Variants in STON2 observed in about 807,000 individuals in gnomAD.
STON2 encodes stonin 2, also known as stonin-2.
In STON2, 29 loss-of-function variants were observed where a neutral mutation model predicts 65.7. That is an observed-to-expected ratio of 0.44 (90% CI 0.33 to 0.60). The LOEUF is 0.60. STON2 is among the 20% of genes least tolerant of loss of function. The pLI, the probability that STON2 is intolerant of heterozygous loss-of-function variation, is 0.03. For synonymous variants in STON2, 404 were observed against 414.2 expected (o/e 0.98, Z 0.30); for missense variants, 1,054 against 1,118.1 (o/e 0.94, Z 0.82).
chr14:81,315,575 G>A (rs1273629185), intron 5 of STON2, among the ~76,000 whole-genome samples: 2 of 152,254 alleles, frequency 1.3e-5, no homozygotes, highest in East Asian at 3.8e-4. Flanking sequence ...TGTGATTCCA[G>A]CAGCTCTGCT....
At chr14:81,289,830 G>A (rs541641063) in intron 5 of STON2, among the ~76,000 whole-genome samples, 11 of 152,278 alleles carry the variant, frequency 7.2e-5, no homozygotes, top group African/African-American at 9.6e-5. Flanking sequence ...CCATCCGTCC[G>A]TTGGCCAGGG....
Position 81,267,310 on chromosome 14 carries a change from T to C in STON2, c.*1104A>G. On this transcript the variant is annotated 3_prime_UTR_variant, in exon 8 of 8. Coordinates refer to ENST00000614646, the MANE Select transcript of STON2 (RefSeq NM_001394390.1). Reference sequence around the variant, plus strand: ...GAAAAATATGGCTTTTCCACGTCTCTACCCTAGAGATGCCTTTTCAATCCA... The same window carrying C: ...GAAAAATATGGCTTTTCCACGTCTCCACCCTAGAGATGCCTTTTCAATCCA... 1.0e-6 allele frequency: 1 copy of C among 985,392 alleles called. No homozygotes were observed. Among genetic ancestry groups the C allele is most frequent in the Non-Finnish European group, 1.2e-6 (1 of 829,898 alleles). 61.0% of individuals were successfully genotyped at this position (985,392 alleles called of 1,614,324 possible).
chr14:81,401,996 T>C (rs909376723), upstream of STON2, among the ~76,000 whole-genome samples: 1 of 152,068 alleles, frequency 6.6e-6, no homozygotes, highest in Admixed American at 6.5e-5. Context: ...CAAGTGACAG[T>C]AAAAATCAGA....
At chr14:81,387,615 G>A (rs1049332987) in intron 3 of STON2, among the ~76,000 whole-genome samples, 4 of 151,860 alleles carry the variant, frequency 2.6e-5, no homozygotes, top group South Asian at 2.1e-4. Context: ...CAGGCCAGGC[G>A]TGGTGGCTCA....
rs767207594 is a variant in STON2, at chr14:81,278,665, T to C, written c.817A>G (p.Met273Val). 1.9e-6 allele frequency: 3 copies of C among 1,539,232 alleles called. No homozygotes were observed. The highest frequency in any genetic ancestry group is 2.6e-6 in the Non-Finnish European group (3 of 1,144,578). Residue 273 changes from methionine (M) to valine (V), a missense_variant, in exon 6 of 8, where the codon ATG becomes GTG. Transcript: ENST00000614646. ...ACTGGAGGGGCAGGGTGCCCATTCA[T>C]GGCTGGACTGCTGGCCTGCCAGCTG... Reference protein sequence around the residue: ...AISWQASSPAMNGHPAPPVTS... With the variant: ...AISWQASSPAVNGHPAPPVTS...
At chr14:81,353,808 C>G (rs1898115818) in intron 4 of STON2, among the ~76,000 whole-genome samples, 1 of 152,024 alleles carries the variant, frequency 6.6e-6, no homozygotes, top group Non-Finnish European at 1.5e-5. Flanking sequence ...AAGGCAGAGC[C>G]CACAGCAAAC....
Position 81,332,165 on chromosome 14 carries a change from T to C in STON2, c.572-7978A>G, listed in dbSNP as rs570605633. ...GGTCTGCAGAGGCTGTGGGCCTCCC[T>C]GAGCCGCTGCCACAGATGGGCACTT... On this transcript the variant is annotated intron_variant, in intron 4 of 7. Coordinates refer to ENST00000614646, the MANE Select transcript of STON2 (RefSeq NM_001394390.1). Among the ~76,000 whole-genome samples the C allele has an allele frequency of 1.5e-3, 228 of 152,324 alleles. 1 individual carries two copies. Among genetic ancestry groups the C allele is most frequent in the Non-Finnish European group, 2.4e-3 (160 of 68,028 alleles).
chr14:81,307,297 GTT>G (rs1282472215), intron 5 of STON2, among the ~76,000 whole-genome samples: 3 of 152,230 alleles, frequency 2.0e-5, no homozygotes, highest in Non-Finnish European at 4.4e-5. Flanking sequence ...AACGGTCAGT[GTT>G]GTCTTCAGCA....
At chr14:81,433,764 G>C in intron 1 of STON2, among the ~76,000 whole-genome samples, 2 of 152,306 alleles carry the variant, frequency 1.3e-5, no homozygotes, top group Middle Eastern at 6.8e-3. Flanking sequence ...GTGGGTCCCA[G>C]AATGATGACA....
intron 5 of STON2, among the ~76,000 whole-genome samples, chr14:81,322,687 G>A (rs1399078294): frequency 1.3e-5 from 2 of 152,194 alleles, no homozygotes; most frequent in Non-Finnish European, 2.9e-5. Flanking sequence ...CACCCTAAGA[G>A]AGAAATTTTC....
At chr14:81,318,668 T>C (rs1896712586) in intron 5 of STON2, among the ~76,000 whole-genome samples, 2 of 152,150 alleles carry the variant, frequency 1.3e-5, no homozygotes, top group Admixed American at 1.3e-4. Flanking sequence ...CTGGTCAACA[T>C]GGTAAAACCC....
intron 1 of STON2, chr14:81,436,283 C>G (rs1203934873): frequency 1.3e-5 from 2 of 151,548 alleles, no homozygotes; most frequent in African/African-American, 4.8e-5. Context: ...TCTTGGGGGG[C>G]GCGCTCGCCT....
In STON2 at chr14:81,261,125, C is replaced by G. The variant is rs1441105031; in HGVS notation, c.*7289G>C. ...AGGTCAGAGGAGTTCATATCCTTCTCTTCCCTCACCCCTATACTTTAGAAC... is the reference window on the plus strand; with the variant it reads ...AGGTCAGAGGAGTTCATATCCTTCTGTTCCCTCACCCCTATACTTTAGAAC... On this transcript the variant is annotated 3_prime_UTR_variant, in exon 8 of 8. Coordinates refer to ENST00000614646, the MANE Select transcript of STON2 (RefSeq NM_001394390.1). 1 of 152,186 alleles carries G rather than the reference C, an allele frequency of 6.6e-6. No individual in the cohort carries two copies. The highest frequency in any genetic ancestry group is 1.5e-5 in the Non-Finnish European group (1 of 68,030). 9.4% of individuals were successfully genotyped at this position (152,186 alleles called of 1,614,324 possible).
At chr14:81,404,921 CT>C (rs1327798627), upstream of STON2, among the ~76,000 whole-genome samples, 1 of 152,158 alleles carries the variant, frequency 6.6e-6, no homozygotes, top group Non-Finnish European at 1.5e-5. Flanking sequence ...AGTATTTTGC[CT>C]TTTGGTCTGA....
At chr14:81,338,578 G>C (rs969628776) in intron 4 of STON2, among the ~76,000 whole-genome samples, 4 of 152,210 alleles carry the variant, frequency 2.6e-5, no homozygotes. Context: ...GAGAATCCCA[G>C]ATTTATATCT....
intron 3 of STON2, among the ~76,000 whole-genome samples, chr14:81,384,622 C>T (rs1899703393): frequency 6.6e-6 from 1 of 152,138 alleles, no homozygotes; most frequent in Non-Finnish European, 1.5e-5. Flanking sequence ...CTCCATGGGG[C>T]ACGAGTATTT....
Position 81,261,903 on chromosome 14 carries a change from G to T in STON2, c.*6511C>A. The T allele has an allele frequency of 6.6e-7, 1 of 1,511,018 alleles. No homozygotes were observed. Among genetic ancestry groups the T allele is most frequent in the Non-Finnish European group, 8.8e-7 (1 of 1,138,434 alleles). 93.6% of individuals were successfully genotyped at this position (1,511,018 alleles called of 1,614,324 possible). On this transcript the variant is annotated 3_prime_UTR_variant, in exon 8 of 8. Coordinates refer to ENST00000614646, the MANE Select transcript of STON2 (RefSeq NM_001394390.1). ...GTGTGGAAGGCAACTGCAATATAGA[G>T]GATTTGGAAGGTTGTCTGTTTCTGT...
At chr14:81,301,277 G>A (rs1261728574) in intron 5 of STON2, among the ~76,000 whole-genome samples, 2 of 152,108 alleles carry the variant, frequency 1.3e-5, no homozygotes, top group African/African-American at 2.4e-5. Flanking sequence ...AAAACATAAT[G>A]TCAGCCAAAA....
At chr14:81,424,182 G>A (rs1225941952) in intron 2 of STON2, among the ~76,000 whole-genome samples, 1 of 152,156 alleles carries the variant, frequency 6.6e-6, no homozygotes, top group Non-Finnish European at 1.5e-5. Flanking sequence ...GGTGGCTCAT[G>A]CCTATAATCC....
Sources: allele counts gnomAD v4.1 joint callset (sites outside exome capture counted in the v4.1 genomes callset), GRCh38; gene constraint gnomAD v4.1.1; transcripts MANE v1.5; gene names NCBI Gene and HGNC (gene_info 2026-07-23, HGNC 2026-07-21).